Variants in ADAMTSL1 observed in about 807,000 individuals in gnomAD.
ADAMTSL1 encodes ADAMTS like 1.
ADAMTSL1 carries 126 observed loss-of-function variants against 201.8 expected under a neutral mutation model. The ratio of observed to expected loss-of-function variants is 0.62; its 90% confidence interval spans 0.54 to 0.72. The LOEUF (loss-of-function observed/expected upper bound fraction) is 0.72, where lower values mean the gene tolerates loss of function less well. ADAMTSL1 is among the 30% of genes least tolerant of loss of function. The pLI is 0.00. For synonymous variants in ADAMTSL1, 1,121 were observed against 903.4 expected, an observed-to-expected ratio of 1.24 and a Z score of -4.32; for missense variants, 2,679 against 2,277.8, an observed-to-expected ratio of 1.18 and a Z score of -3.59.
chr9:18,684,861 G>GT, intron 13 of ADAMTSL1, 61 bp downstream of exon 13: 1 of 1,545,682 alleles, frequency 6.5e-7, no homozygotes, highest in Non-Finnish European at 8.7e-7. Context: ...AGAAAGCAGT[G>GT]TCTCACTGGT....
chr9:18,306,723 G>A (rs1833922420), intron 2 of ADAMTSL1, among the ~76,000 whole-genome samples: 1 of 152,162 alleles, frequency 6.6e-6, no homozygotes, highest in African/African-American at 2.4e-5. Flanking sequence ...TTTGATTGGT[G>A]TACCTGAAAG....
At chr9:18,010,961 G>A (rs1395390883) in intron 1 of ADAMTSL1, among the ~76,000 whole-genome samples, 12 of 151,952 alleles carry the variant, frequency 7.9e-5, no homozygotes, top group East Asian at 5.8e-4. Flanking sequence ...GATTTTATGA[G>A]TATTAAATTC....
chr9:18,658,130 A>G (rs929137568), intron 8 of ADAMTSL1, among the ~76,000 whole-genome samples: 1 of 151,942 alleles, frequency 6.6e-6, no homozygotes, highest in East Asian at 1.9e-4. Context: ...GCCCGCCACC[A>G]CGCCCGGCTA....
At chr9:18,554,302 A>G (rs987652695) in intron 3 of ADAMTSL1, among the ~76,000 whole-genome samples, 1 of 151,540 alleles carries the variant, frequency 6.6e-6, no homozygotes, top group Non-Finnish European at 1.5e-5. Context: ...AATTTTCTGT[A>G]GGTCTGATTT....
At chr9:18,597,951 A>G (rs1564078688) in intron 4 of ADAMTSL1, among the ~76,000 whole-genome samples, 1 of 152,162 alleles carries the variant, frequency 6.6e-6, no homozygotes, top group Admixed American at 6.6e-5. Context: ...CCCACCTGTC[A>G]TCTCTATTGC....
intron 1 of ADAMTSL1, among the ~76,000 whole-genome samples, chr9:18,031,762 G>T (rs1323675263): frequency 1.3e-5 from 2 of 152,112 alleles, no homozygotes. Flanking sequence ...CCTCCTTTAG[G>T]GGTGGCCTGA....
chr9:17,949,593 A>C (rs1345428953), intron 1 of ADAMTSL1, among the ~76,000 whole-genome samples: 2 of 152,184 alleles, frequency 1.3e-5, no homozygotes. Context: ...CCTCCAAGCC[A>C]GACCAGCCTA....
chr9:18,518,694 A>G lies in ADAMTSL1; in HGVS notation c.191+13738A>G, dbSNP rs61681047. Reference sequence around the variant, plus strand: ...TGGGATTGCTAGGTTAAATGGTAATATGGTTTTCTTTTCTTTTTTCTTTTT... The same window carrying G: ...TGGGATTGCTAGGTTAAATGGTAATGTGGTTTTCTTTTCTTTTTTCTTTTT... On this transcript the variant is annotated intron_variant, in intron 2 of 28. Coordinates refer to ENST00000380548, the MANE Select transcript of ADAMTSL1 (RefSeq NM_001040272.6). Among the ~76,000 whole-genome samples the G allele has an allele frequency of 6.4e-3, 971 of 152,046 alleles. 11 individuals carry two copies. The highest frequency in any genetic ancestry group is 0.044 in the East Asian group (227 of 5,170).
chr9:18,896,500 GGGAGTCAATTT>G (rs1829647078), intron 26 of ADAMTSL1, among the ~76,000 whole-genome samples: 2 of 152,158 alleles, frequency 1.3e-5, no homozygotes, highest in African/African-American at 4.8e-5. Flanking sequence ...AATGAAAATG[GGGAGTCAATTT>G]GGCACCTTCA....
Position 18,633,428 on chromosome 9 carries a change from A to G in ADAMTSL1, c.602-2515A>G, listed in dbSNP as rs184489616. 2.1e-3 allele frequency among the ~76,000 whole-genome samples: 319 copies of G among 152,162 alleles called. 3 individuals are homozygous for G. Among genetic ancestry groups the G allele is most frequent in the African/African-American group, 7.2e-3 (297 of 41,514 alleles). ...AAGATGGTGAAACCCCGTCTCTACT[A>G]AAAATACAAAAATTAGCCGGGCTGC... On this transcript the variant is annotated intron_variant, in intron 5 of 28. Transcript: ENST00000380548.
At chr9:18,831,809 T>C (rs1401967068) in intron 23 of ADAMTSL1, among the ~76,000 whole-genome samples, 2 of 152,134 alleles carry the variant, frequency 1.3e-5, no homozygotes, top group African/African-American at 2.4e-5. Flanking sequence ...GCCAGCACTA[T>C]AGAACTAGGA....
At chr9:18,177,192 T>C (rs1344694447) in intron 2 of ADAMTSL1, among the ~76,000 whole-genome samples, 4 of 152,208 alleles carry the variant, frequency 2.6e-5, no homozygotes, top group African/African-American at 9.6e-5. Context: ...ACTGTTCATC[T>C]TTATGTATTA....
intron 2 of ADAMTSL1, among the ~76,000 whole-genome samples, chr9:18,505,489 G>A (rs916410166): frequency 4.6e-5 from 7 of 152,168 alleles, no homozygotes; most frequent in Non-Finnish European, 1.0e-4. Context: ...AGCTTCAGTG[G>A]GAATTGGGTC....
rs183761472 is a variant in ADAMTSL1, at chr9:18,378,354, C to G, written c.208-126475C>G. ...TTTTCTAAAGTGTAATGAGAGTAAG[C>G]AAGTAGAGACCTTGAATAAAGAAAA... On this transcript the variant is annotated intron_variant, in intron 2 of 29. Transcript: ENST00000680146. Among the ~76,000 whole-genome samples the G allele has an allele frequency of 6.6e-5, 10 of 152,244 alleles. No individual in the cohort carries two copies. In the East Asian group the frequency reaches 1.9e-3, roughly 29 times the overall value.
chr9:18,296,786 A>C (rs1833494215), intron 2 of ADAMTSL1, among the ~76,000 whole-genome samples: 1 of 152,176 alleles, frequency 6.6e-6, no homozygotes, highest in Non-Finnish European at 1.5e-5. Context: ...CTTGAGCAAG[A>C]AACCACAGTG....
chr9:18,823,483 A>G (rs1824338890), intron 21 of ADAMTSL1, among the ~76,000 whole-genome samples: 1 of 152,058 alleles, frequency 6.6e-6, no homozygotes, highest in Non-Finnish European at 1.5e-5. Flanking sequence ...TTCCTGGGGG[A>G]GTGAGAAATA....
chr9:18,450,988 T>C (rs945126838), intron 2 of ADAMTSL1, among the ~76,000 whole-genome samples: 1 of 152,204 alleles, frequency 6.6e-6, no homozygotes, highest in Non-Finnish European at 1.5e-5. Context: ...AACCAGTATT[T>C]TGAATCATTC....
chr9:18,048,780 A>G (rs56692548), intron 1 of ADAMTSL1, among the ~76,000 whole-genome samples: 3,987 of 152,226 alleles, frequency 0.026, 82 homozygotes, highest in African/African-American at 0.065. Flanking sequence ...GCACATAGTC[A>G]TGTGCTTCAG....
intron 3 of ADAMTSL1, among the ~76,000 whole-genome samples, chr9:18,537,358 C>T (rs1451927286): frequency 2.6e-5 from 4 of 152,132 alleles, no homozygotes; most frequent in African/African-American, 7.2e-5. Flanking sequence ...TATGTGAATA[C>T]TTAAGGAGTA....
Sources: gnomAD v4.1 joint callset for allele counts (sites outside exome capture counted in the v4.1 genomes callset) on GRCh38, gnomAD v4.1.1 for gene constraint, MANE v1.5 for transcripts, NCBI Gene and HGNC (gene_info 2026-07-23, HGNC 2026-07-21) for gene names.